Variants in GABRG3 observed in about 807,000 individuals in gnomAD.
The protein encoded by GABRG3 is gamma-aminobutyric acid receptor subunit gamma-3.
GABRG3 carries 25 observed loss-of-function variants against 48.8 expected under a neutral mutation model. The observed-to-expected ratio is 0.51, with a 90% confidence interval of 0.37 to 0.72. The LOEUF (loss-of-function observed/expected upper bound fraction) is 0.72. GABRG3 is among the 30% of genes least tolerant of loss of function. The pLI is 0.00. For synonymous variants in GABRG3, 227 were observed against 217.6 expected, an observed-to-expected ratio of 1.04 and a Z score of -0.38; for missense variants, 394 against 577.9, an observed-to-expected ratio of 0.68 and a Z score of 3.26.
At chr15:27,364,500 G>A (rs1443720446) in intron 5 of GABRG3, 1 of 152,180 alleles carries the variant, frequency 6.6e-6, no homozygotes, top group African/African-American at 2.4e-5. Context: ...GACCGTAAAT[G>A]GAGATACTGT....
chr15:27,200,096 T>C (rs1157956493), intron 3 of GABRG3, among the ~76,000 whole-genome samples: 1 of 152,088 alleles, frequency 6.6e-6, no homozygotes, highest in Non-Finnish European at 1.5e-5. Flanking sequence ...GCTTTGCCTC[T>C]GCCTCTTCCA....
chr15:27,292,984 A>C (rs780616218), intron 3 of GABRG3, among the ~76,000 whole-genome samples: 2 of 152,218 alleles, frequency 1.3e-5, no homozygotes, highest in Admixed American at 6.5e-5. Context: ...AGAAAGCCCT[A>C]ATCCTGAACT....
At chr15:27,120,007 G>A (rs1405504737) in intron 3 of GABRG3, among the ~76,000 whole-genome samples, 3 of 152,236 alleles carry the variant, frequency 2.0e-5, no homozygotes, top group Admixed American at 6.5e-5. Context: ...TACTCAAGAG[G>A]TGGGGATTAA....
chr15:27,500,959 T>G (rs1890610873), intron 6 of GABRG3, among the ~76,000 whole-genome samples: 1 of 148,760 alleles, frequency 6.7e-6, no homozygotes, highest in Admixed American at 6.7e-5. Context: ...TATGTTTTTT[T>G]TTTTTTTTTT....
chr15:27,234,797 A>G (rs1451447838), intron 3 of GABRG3, among the ~76,000 whole-genome samples: 1 of 152,174 alleles, frequency 6.6e-6, no homozygotes, highest in African/African-American at 2.4e-5. Flanking sequence ...TGAATGACGT[A>G]ATAATTAGGA....
intron 3 of GABRG3, among the ~76,000 whole-genome samples, chr15:27,313,262 G>GTGTGTGTGTATA (rs1430430961): frequency 2.9e-5 from 1 of 34,562 alleles, no homozygotes; most frequent in Non-Finnish European, 5.7e-5. Flanking sequence ...GTGTGTGTGT[G>GTGTGTGTGTATA]TATATATATA....
chr15:27,270,360 G>A (rs966904291), intron 3 of GABRG3, among the ~76,000 whole-genome samples: 1 of 152,104 alleles, frequency 6.6e-6, no homozygotes, highest in Non-Finnish European at 1.5e-5. Context: ...GCTTGACCGT[G>A]CCAGTTTGTT....
At chr15:27,224,339 G>T (rs1187125491) in intron 3 of GABRG3, among the ~76,000 whole-genome samples, 1 of 152,228 alleles carries the variant, frequency 6.6e-6, no homozygotes, top group African/African-American at 2.4e-5. Flanking sequence ...TAGAAGGCCT[G>T]AAATGCTGAG....
At chr15:27,414,452 A>G (rs1433226122) in intron 5 of GABRG3, among the ~76,000 whole-genome samples, 1 of 152,120 alleles carries the variant, frequency 6.6e-6, no homozygotes, top group Non-Finnish European at 1.5e-5. Context: ...GACTCTACCT[A>G]TTGTGATGCT....
At chr15:26,980,319 CTTA>C (rs201098533) in intron 2 of GABRG3, among the ~76,000 whole-genome samples, 3,140 of 152,048 alleles carry the variant, frequency 0.021, 100 homozygotes, top group African/African-American at 0.072. Flanking sequence ...TGCTTTTATA[CTTA>C]TTATTTCCTT....
At chr15:27,423,721 CTTTTTTTTTT>C (rs542775399) in intron 5 of GABRG3, among the ~76,000 whole-genome samples, 5 of 81,788 alleles carry the variant, frequency 6.1e-5, no homozygotes, top group African/African-American at 1.2e-4. Flanking sequence ...TTTTCTTTTC[CTTTTTTTTTT>C]TTTTTTTTTT....
chr15:27,278,672 C>A (rs570073594), intron 3 of GABRG3, among the ~76,000 whole-genome samples: 14 of 152,090 alleles, frequency 9.2e-5, no homozygotes, highest in Non-Finnish European at 1.9e-4. Flanking sequence ...TATGCATGCC[C>A]AACAGTTTGT....
At chr15:27,058,654 C>T (rs1484869119) in intron 3 of GABRG3, among the ~76,000 whole-genome samples, 1 of 151,416 alleles carries the variant, frequency 6.6e-6, no homozygotes, top group Non-Finnish European at 1.5e-5. Flanking sequence ...GTCAAATTGC[C>T]ATATTGGAAA....
At chr15:27,047,535 A>C (rs985248813) in intron 3 of GABRG3, among the ~76,000 whole-genome samples, 11 of 152,238 alleles carry the variant, frequency 7.2e-5, no homozygotes, top group Admixed American at 1.3e-4. Context: ...GCTAAAAGTC[A>C]AGGGCTGTTC....
intron 6 of GABRG3, 52 bp downstream of exon 6, chr15:27,480,839 G>A: frequency 6.2e-7 from 1 of 1,600,984 alleles, no homozygotes; most frequent in Admixed American, 1.7e-5. Context: ...GAGGCCTAAG[G>A]CCATATGTAG....
At chr15:27,260,580 C>T (rs11263711) in intron 3 of GABRG3, among the ~76,000 whole-genome samples, 99,475 of 152,002 alleles carry the variant, frequency 0.65, 33,160 homozygotes, top group African/African-American at 0.69. Context: ...ATAGGTTAGA[C>T]GCAAACACCA....
intron 3 of GABRG3, among the ~76,000 whole-genome samples, chr15:27,102,365 G>A (rs1437141773): frequency 3.3e-5 from 5 of 152,164 alleles, no homozygotes; most frequent in Admixed American, 1.3e-4. Flanking sequence ...CTAGAAACTC[G>A]AACTGAGCTC....
Position 27,539,523 on chromosome 15 carries a change from A to G in GABRG3, c.*6642A>G, listed in dbSNP as rs186675793. On this transcript the variant is annotated 3_prime_UTR_variant, in exon 10 of 10. Coordinates refer to ENST00000615808, the MANE Select transcript of GABRG3 (RefSeq NM_033223.5). ...AGTCCTAACCCACTGTCAGCTTCCA[A>G]TTTTCAGGAGCAAATGATGACTGCT... 4.3e-4 allele frequency: 66 copies of G among 152,266 alleles called. No homozygotes were observed. The highest frequency in any genetic ancestry group is 1.5e-3 in the African/African-American group (64 of 41,544). 9.4% of individuals were successfully genotyped at this position (152,266 alleles called of 1,614,324 possible).
chr15:27,051,006 T>A (rs1324941150), intron 3 of GABRG3, among the ~76,000 whole-genome samples: 1 of 152,366 alleles, frequency 6.6e-6, no homozygotes, highest in South Asian at 2.1e-4. Flanking sequence ...TTTATACTGC[T>A]GTTAGCTGTA....
Sources: allele counts gnomAD v4.1 joint callset (sites outside exome capture counted in the v4.1 genomes callset), GRCh38; gene constraint gnomAD v4.1.1; transcripts MANE v1.5; gene names NCBI Gene and HGNC (gene_info 2026-07-23, HGNC 2026-07-21).